Variants in RIMS1 observed in about 807,000 individuals in gnomAD.
RIMS1 encodes the protein regulating synaptic membrane exocytosis protein 1.
A neutral mutation model predicts 214.1 loss-of-function variants in RIMS1; 83 were observed. That is an observed-to-expected ratio of 0.39 (90% CI 0.32 to 0.47). The LOEUF is 0.47. RIMS1 is among the 20% of genes least tolerant of loss of function. The pLI is 0.99. For missense variants in RIMS1, 2,050 were observed against 2,161.8 expected (o/e 0.95, Z 1.03); for synonymous variants, 793 against 786.8 (o/e 1.01, Z -0.13).
chr6:72,381,203 C>T (rs62407526), intron 29 of RIMS1, among the ~76,000 whole-genome samples: 25,751 of 151,996 alleles, frequency 0.17, 2,798 homozygotes, highest in Middle Eastern at 0.26. Context: ...CCTCTTGTGC[C>T]GGTGGCCCCT....
At chr6:72,077,518 G>A (rs1011982421) in intron 2 of RIMS1, among the ~76,000 whole-genome samples, 3 of 152,126 alleles carry the variant, frequency 2.0e-5, no homozygotes, top group East Asian at 1.9e-4. Context: ...AAAGTTGTCC[G>A]GGATGTAAGA....
chr6:72,046,978 T>C lies in RIMS1; in HGVS notation c.246-49971T>C, dbSNP rs536347260. ...ACTCAGGAAAGTAAATAATATTTAT[T>C]AAATAAATTACTCAAATACCTTTTT... On this transcript the variant is annotated intron_variant, in intron 2 of 33. Transcript: ENST00000521978. Among the ~76,000 whole-genome samples, 13 of 152,254 alleles carry C rather than the reference T, an allele frequency of 8.5e-5. No individual in the cohort carries two copies. The East Asian group carries it at 1.9e-3, about 23-fold the overall frequency.
intron 4 of RIMS1, among the ~76,000 whole-genome samples, chr6:72,111,979 C>T (rs2036178986): frequency 1.3e-5 from 2 of 152,154 alleles, no homozygotes; most frequent in African/African-American, 4.8e-5. Flanking sequence ...GAGGCTTCAG[C>T]CTGGTAGTCA....
chr6:72,125,614 G>A (rs955984969), intron 4 of RIMS1, among the ~76,000 whole-genome samples: 1 of 152,220 alleles, frequency 6.6e-6, no homozygotes, highest in African/African-American at 2.4e-5. Flanking sequence ...GATGCAGGCA[G>A]GCCTCACTGA....
chr6:72,320,330 A>G (rs2096077099), intron 28 of RIMS1, among the ~76,000 whole-genome samples: 1 of 152,280 alleles, frequency 6.6e-6, no homozygotes. Flanking sequence ...AGCAACTTCA[A>G]CTAAAGCAGT....
intron 2 of RIMS1, among the ~76,000 whole-genome samples, chr6:71,992,583 TCTCCTTCTCCTC>T (rs1487270263): frequency 3.5e-5 from 5 of 144,052 alleles, no homozygotes; most frequent in African/African-American, 1.0e-4. Context: ...TTCTTCCTCT[TCTCCTTCTCCTC>T]CTCCTTCTCC....
At chr6:72,206,771 G>A (rs2052987474) in intron 6 of RIMS1, among the ~76,000 whole-genome samples, 1 of 152,176 alleles carries the variant, frequency 6.6e-6, no homozygotes, top group Admixed American at 6.5e-5. Context: ...CCTAATTAAT[G>A]GGAGGAGCTT....
chr6:72,089,937 G>A lies in RIMS1; in HGVS notation c.246-7012G>A, dbSNP rs1047903332. On this transcript the variant is annotated intron_variant, in intron 2 of 33. Coordinates refer to ENST00000521978, the MANE Select transcript of RIMS1 (RefSeq NM_014989.7). ...TCGCAAGAACAAAAAACCAAACACC[G>A]CATATTCTCACTCATAGGTGGGAAT... is the stretch of plus-strand genomic sequence containing the variant. 6.9e-5 allele frequency among the ~76,000 whole-genome samples: 10 copies of A among 144,848 alleles called. No individual in the cohort carries two copies. The East Asian group carries it at 1.1e-3, about 15-fold the overall frequency.
At chr6:72,097,262 C>A in intron 3 of RIMS1, 100 bp downstream of exon 3, 1 of 995,030 alleles carries the variant, frequency 1.0e-6, no homozygotes, top group Non-Finnish European at 1.6e-6. Flanking sequence ...CAGACATGTG[C>A]ATAAACATAC....
intron 2 of RIMS1, among the ~76,000 whole-genome samples, chr6:72,025,865 G>A (rs75882361): frequency 0.073 from 11,125 of 152,192 alleles, 473 homozygotes; most frequent in Middle Eastern, 0.13. Context: ...TGGAAGATTC[G>A]CTTCCAAAGT....
intron 1 of RIMS1, among the ~76,000 whole-genome samples, chr6:71,965,057 AC>A (rs1281904812): frequency 6.6e-6 from 1 of 152,144 alleles, no homozygotes; most frequent in Non-Finnish European, 1.5e-5. Context: ...ACCAATGTGG[AC>A]CCTACAATAA....
chr6:72,287,644 G>A (rs1301944420), intron 24 of RIMS1, among the ~76,000 whole-genome samples: 2 of 149,904 alleles, frequency 1.3e-5, no homozygotes, highest in African/African-American at 4.9e-5. Flanking sequence ...CACCCAGGCT[G>A]GAGTGTGGTC....
At chr6:72,220,885 T>C (rs1562698166) in intron 6 of RIMS1, among the ~76,000 whole-genome samples, 1 of 152,070 alleles carries the variant, frequency 6.6e-6, no homozygotes, top group Non-Finnish European at 1.5e-5. Context: ...GACATTTAGT[T>C]ATAGAGATCT....
At chr6:71,900,975 A>G (rs781336459) in intron 1 of RIMS1, among the ~76,000 whole-genome samples, 2 of 152,140 alleles carry the variant, frequency 1.3e-5, no homozygotes, top group Non-Finnish European at 2.9e-5. Flanking sequence ...AAAAGCATTA[A>G]AGAAGAAATG....
chr6:72,160,212 T>A (rs2045148969), intron 4 of RIMS1, among the ~76,000 whole-genome samples: 1 of 105,018 alleles, frequency 9.5e-6, no homozygotes, highest in South Asian at 3.8e-4. Flanking sequence ...ATAAGAATGC[T>A]TGTGATTTTT....
At chr6:72,245,987 C>T in intron 11 of RIMS1, 126 bp downstream of exon 11, 1 of 612,808 alleles carries the variant, frequency 1.6e-6, no homozygotes, top group Non-Finnish European at 2.8e-6. Context: ...TCCATTGGTA[C>T]TAGATGTTGG....
chr6:71,906,209 C>T (rs1430121091), intron 1 of RIMS1, among the ~76,000 whole-genome samples: 3 of 152,146 alleles, frequency 2.0e-5, no homozygotes, highest in East Asian at 3.9e-4. Flanking sequence ...CACAAACCTC[C>T]TAACAGTTAT....
At chr6:72,206,694 C>T (rs2052980300) in intron 6 of RIMS1, among the ~76,000 whole-genome samples, 1 of 152,080 alleles carries the variant, frequency 6.6e-6, no homozygotes, top group Non-Finnish European at 1.5e-5. Context: ...GTACCTTGAT[C>T]CCAAGTCACA....
At chr6:72,194,857 T>G (rs1313726510) in intron 6 of RIMS1, among the ~76,000 whole-genome samples, 1 of 152,202 alleles carries the variant, frequency 6.6e-6, no homozygotes, top group Non-Finnish European at 1.5e-5. Context: ...CCATTCATAC[T>G]GCTATTGCCA....
Sources: allele counts gnomAD v4.1 joint callset (sites outside exome capture counted in the v4.1 genomes callset), GRCh38; gene constraint gnomAD v4.1.1; transcripts MANE v1.5; gene names NCBI Gene and HGNC (gene_info 2026-07-23, HGNC 2026-07-21).